The following DAW1 variants were observed in gnomAD, a reference collection of about 807,000 sequenced individuals.
DAW1 encodes the protein dynein assembly factor with WD repeats 1, also known as dynein assembly factor with WD repeat domains 1.
A neutral mutation model predicts 56.5 loss-of-function variants in DAW1; 47 were observed. The observed-to-expected ratio is 0.83, with a 90% CI of 0.66 to 1.06. The LOEUF (loss-of-function observed/expected upper bound fraction) is 1.06, where lower values mean the gene tolerates loss of function less well. DAW1 is among the 50% of genes least tolerant of loss of function. The probability of loss-of-function intolerance (pLI) is 0.00; values close to 1 mark genes in which losing one functional copy is unlikely to be tolerated. For synonymous variants in DAW1, 190 were observed against 179.0 expected (o/e 1.06, Z -0.49); for missense variants, 505 against 499.3 (o/e 1.01, Z -0.11).
chr2:227,907,565 T>C (rs929834139), intron 10 of DAW1, among the ~76,000 whole-genome samples: 2 of 152,314 alleles, frequency 1.3e-5, no homozygotes, highest in South Asian at 2.1e-4. Context: ...ATTATTATTT[T>C]GAGATGGAGT....
chr2:227,891,492 G>A (rs974468382), intron 4 of DAW1, among the ~76,000 whole-genome samples, 179 bp downstream of exon 4: 1 of 152,124 alleles, frequency 6.6e-6, no homozygotes. Context: ...GTTTTCTGTC[G>A]TATTTGTGCT....
intron 8 of DAW1, 35 bp from the exon 9 acceptor site, chr2:227,906,201 A>G: frequency 6.5e-7 from 1 of 1,538,400 alleles, no homozygotes; most frequent in Non-Finnish European, 8.9e-7. Context: ...GAAGTAAGAT[A>G]TCTTTCACTA....
At chr2:227,908,597 G>C (rs1005649178) in intron 10 of DAW1, among the ~76,000 whole-genome samples, 1 of 152,180 alleles carries the variant, frequency 6.6e-6, no homozygotes, top group East Asian at 1.9e-4. Flanking sequence ...TCCCTGGCAA[G>C]TATTTATGAT....
intron 1 of DAW1, among the ~76,000 whole-genome samples, chr2:227,874,058 T>G (rs746375677): frequency 6.6e-6 from 1 of 152,348 alleles, no homozygotes; most frequent in South Asian, 2.1e-4. Context: ...ATAGTCTGTT[T>G]CCTTTAAGTA....
intron 1 of DAW1, among the ~76,000 whole-genome samples, chr2:227,873,838 G>A (rs558128672): frequency 6.6e-6 from 1 of 152,062 alleles, no homozygotes; most frequent in African/African-American, 2.4e-5. Flanking sequence ...GCACTACCAA[G>A]CCCAGCTAAT....
rs140502355 is a variant in DAW1 at position 227,874,890 on chromosome 2, G to C, written c.40+3161G>C. Among the ~76,000 whole-genome samples the C allele has an allele frequency of 3.6e-3, 550 of 152,214 alleles. 4 individuals carry two copies. The highest frequency in any genetic ancestry group is 0.012 in the African/African-American group (517 of 41,508). ...AGGCAGGAGAATCGCTTGAATCTGGGAGGTGGAGGTTGCAGTGAGCCAAGA... is the reference window on the plus strand; with the variant it reads ...AGGCAGGAGAATCGCTTGAATCTGGCAGGTGGAGGTTGCAGTGAGCCAAGA... On this transcript the variant is annotated intron_variant, in intron 1 of 12. Coordinates refer to ENST00000309931, the MANE Select transcript of DAW1 (RefSeq NM_178821.3).
chr2:227,891,376 A>G (rs1464669133), intron 4 of DAW1, 63 bp downstream of exon 4: 1 of 1,395,590 alleles, frequency 7.2e-7, no homozygotes, highest in Admixed American at 1.7e-5. Flanking sequence ...TTATTTATCA[A>G]AGATTCCAGT....
chr2:227,878,038 C>G (rs566006224), intron 1 of DAW1, among the ~76,000 whole-genome samples: 7 of 152,332 alleles, frequency 4.6e-5, no homozygotes, highest in Admixed American at 1.3e-4. Flanking sequence ...TTATTACAAA[C>G]AAGTAGTGAA....
chr2:227,874,459 G>A (rs1254322472), intron 1 of DAW1, among the ~76,000 whole-genome samples: 1 of 152,138 alleles, frequency 6.6e-6, no homozygotes, highest in Non-Finnish European at 1.5e-5. Flanking sequence ...GATCTCCAAT[G>A]ACATTCACAT....
In DAW1 at chr2:227,923,938, C is replaced by T; in HGVS notation, c.1218C>T (p.Ser406=). ...GCATGAAATCTGTTTTATTAGGCAG[C>T]AAGGATAATACCTGTAGGATATGGC... ...NYKGNIVITG[S]KDNTCRIWR is the part of the protein sequence containing the mutation. Residue 406 remains serine, a synonymous_variant, in exon 13 of 13, where the codon AGC becomes AGT. Coordinates refer to ENST00000309931, the MANE Select transcript of DAW1 (RefSeq NM_178821.3). 1 of 1,613,880 alleles carries T rather than the reference C, an allele frequency of 6.2e-7. No individual in the cohort carries two copies. Among genetic ancestry groups the T allele is most frequent in the South Asian group, 1.1e-5 (1 of 91,062 alleles).
intron 10 of DAW1, among the ~76,000 whole-genome samples, chr2:227,909,251 T>TCTAC (rs1310612075): frequency 2.1e-5 from 3 of 142,138 alleles, no homozygotes; most frequent in African/African-American, 7.9e-5. Context: ...TATCTATCTA[T>TCTAC]CTATCTATCT....
At chr2:227,886,274 G>A (rs1394589290) in intron 2 of DAW1, among the ~76,000 whole-genome samples, 1 of 152,090 alleles carries the variant, frequency 6.6e-6, no homozygotes, top group Non-Finnish European at 1.5e-5. Flanking sequence ...TAGCCCAGAG[G>A]AAACCTCTTG....
chr2:227,883,546 G>C (rs983492771), intron 1 of DAW1, among the ~76,000 whole-genome samples: 1 of 152,156 alleles, frequency 6.6e-6, no homozygotes, highest in African/African-American at 2.4e-5. Flanking sequence ...CTAATTTTAA[G>C]AAGTTACCAT....
chr2:227,883,395 G>A (rs1164844801), intron 1 of DAW1, among the ~76,000 whole-genome samples: 1 of 152,182 alleles, frequency 6.6e-6, no homozygotes, highest in Admixed American at 6.5e-5. Context: ...TAGTAGATCA[G>A]TATTTTTCAA....
intron 2 of DAW1, among the ~76,000 whole-genome samples, chr2:227,888,504 G>A (rs1691181454): frequency 6.6e-6 from 1 of 152,198 alleles, no homozygotes; most frequent in African/African-American, 2.4e-5. Context: ...CTAGAGGAGT[G>A]CCTCACAGGG....
intron 10 of DAW1, among the ~76,000 whole-genome samples, chr2:227,911,920 G>A (rs1691835610): frequency 6.6e-6 from 1 of 151,982 alleles, no homozygotes; most frequent in African/African-American, 2.4e-5. Flanking sequence ...ACCACAAATG[G>A]CAGCTACATT....
Position 227,907,155 on chromosome 2 carries a change from T to C in DAW1, c.876T>C (p.Asn292=). The C allele has an allele frequency of 6.2e-7, 1 of 1,612,270 alleles. No homozygotes were observed. The highest frequency in any genetic ancestry group is 1.1e-5 in the South Asian group (1 of 90,546). The change falls in exon 10 of 13, where the codon AAT becomes AAC. Residue 292 remains asparagine (N), a synonymous_variant. Coordinates refer to ENST00000309931, the MANE Select transcript of DAW1 (RefSeq NM_178821.3). ...AATTGTAGCTGTGGGATGCTACAAA[T>C]GGAAAATGTGTGGCAACCTTAACAG... ...DKTCKLWDAT[N]GKCVATLTGH...
intron 10 of DAW1, among the ~76,000 whole-genome samples, chr2:227,915,899 A>G (rs1382335728): frequency 6.6e-6 from 1 of 152,140 alleles, no homozygotes; most frequent in African/African-American, 2.4e-5. Context: ...TTATGATATT[A>G]TGCCGTAGTT....
intron 6 of DAW1, 76 bp from the exon 7 acceptor site, chr2:227,902,926 C>A: frequency 7.0e-7 from 1 of 1,429,618 alleles, no homozygotes; most frequent in Non-Finnish European, 9.8e-7. Context: ...GTAATTGCAT[C>A]TGGAAGATTT....
Sources: gnomAD v4.1 joint callset for allele counts (sites outside exome capture counted in the v4.1 genomes callset) on GRCh38, gnomAD v4.1.1 for gene constraint, MANE v1.5 for transcripts, NCBI Gene and HGNC (gene_info 2026-07-23, HGNC 2026-07-21) for gene names.